Variants in ADCK1 observed in about 807,000 individuals in gnomAD.
ADCK1 encodes the protein aarF domain containing kinase 1, also known as aarF domain-containing protein kinase 1.
In ADCK1, 41 loss-of-function variants were observed where a neutral mutation model predicts 52.3. The ratio of observed to expected loss-of-function variants is 0.78; its 90% CI spans 0.61 to 1.02. The LOEUF is 1.02. Among genes scored for constraint, ADCK1 ranks in the 50% least tolerant of loss-of-function variants. ADCK1 has a pLI of 0.00. For synonymous variants in ADCK1, 250 were observed against 274.6 expected (o/e 0.91, Z 0.89); for missense variants, 658 against 679.5 (o/e 0.97, Z 0.35).
At chr14:77,824,415 CCTTTCTTTCTTT>C (rs1162665297) in intron 3 of ADCK1, among the ~76,000 whole-genome samples, 4 of 150,698 alleles carry the variant, frequency 2.7e-5, no homozygotes, top group East Asian at 1.9e-4. Flanking sequence ...AATGTCTTTT[CCTTTCTTTCTTT>C]CTTTCTTTCT....
At chr14:77,919,190 C>T (rs2083992591) in intron 7 of ADCK1, among the ~76,000 whole-genome samples, 1 of 152,236 alleles carries the variant, frequency 6.6e-6, no homozygotes, top group Non-Finnish European at 1.5e-5. Flanking sequence ...GCTGGGATTA[C>T]AGGCGTGAGC....
chr14:77,812,375 C>G (rs933846512), intron 1 of ADCK1, among the ~76,000 whole-genome samples: 2 of 151,596 alleles, frequency 1.3e-5, no homozygotes, highest in African/African-American at 4.9e-5. Flanking sequence ...AGAGTGAGAT[C>G]ATGCAGTATT....
rs780411409 is a variant in ADCK1, at chr14:77,924,618, C to T, written c.1008+12C>T. The T allele has an allele frequency of 3.1e-6, 5 of 1,611,732 alleles. No homozygotes were observed. The highest frequency in any genetic ancestry group is 3.4e-6 in the Non-Finnish European group (4 of 1,179,994). On this transcript the variant is annotated intron_variant, in intron 8 of 10. Coordinates refer to ENST00000238561, the MANE Select transcript of ADCK1 (RefSeq NM_020421.4). ...ATGGGCTTTACCAGGTAGAAGAGGCCTTTGTTACCCAGCCCTGGGGCCTCT... is the reference window on the plus strand; with the variant it reads ...ATGGGCTTTACCAGGTAGAAGAGGCTTTTGTTACCCAGCCCTGGGGCCTCT...
chr14:77,915,600 G>C (rs559356578), intron 7 of ADCK1, among the ~76,000 whole-genome samples: 3 of 152,126 alleles, frequency 2.0e-5, no homozygotes, highest in African/African-American at 7.2e-5. Context: ...ATGAGTTCAC[G>C]TCCTTTGTAG....
chr14:77,893,736 C>CCTTCCTTCCTTCCTTT (rs10634042), intron 5 of ADCK1, among the ~76,000 whole-genome samples: 3,571 of 133,186 alleles, frequency 0.027, 79 homozygotes, highest in African/African-American at 0.047. Context: ...TTCCTTCCTT[C>CCTTCCTTCCTTCCTTT]CTTTTTTTTT....
At chr14:77,861,707 G>T (rs1329357349) in intron 4 of ADCK1, among the ~76,000 whole-genome samples, 1 of 152,202 alleles carries the variant, frequency 6.6e-6, no homozygotes, top group African/African-American at 2.4e-5. Context: ...TGTAGAGAGC[G>T]GTGGTGTGGT....
intron 4 of ADCK1, among the ~76,000 whole-genome samples, chr14:77,862,608 T>G (rs941896714): frequency 1.3e-5 from 2 of 152,202 alleles, no homozygotes; most frequent in Non-Finnish European, 2.9e-5. Flanking sequence ...CTTGACTCCA[T>G]GTTGGAGGAC....
At chr14:77,916,321 A>G (rs1479855020) in intron 7 of ADCK1, among the ~76,000 whole-genome samples, 4 of 151,910 alleles carry the variant, frequency 2.6e-5, no homozygotes, top group Admixed American at 1.3e-4. Flanking sequence ...AGACTCATTA[A>G]ATACCCCATG....
intron 7 of ADCK1, among the ~76,000 whole-genome samples, chr14:77,913,862 C>T (rs78523319): frequency 0.017 from 2,649 of 152,056 alleles, 83 homozygotes; most frequent in African/African-American, 0.06. Context: ...ATCCAGGAGG[C>T]GAGAGTGCCA....
chr14:77,921,326 C>CAAAA (rs756056466), intron 7 of ADCK1, among the ~76,000 whole-genome samples: 26 of 41,206 alleles, frequency 6.3e-4, no homozygotes, highest in East Asian at 3.8e-3. Flanking sequence ...GACTCTGTCT[C>CAAAA]AAAAAAAAAA....
At chr14:77,830,881 GTGTT>G (rs1555348992) in intron 3 of ADCK1, among the ~76,000 whole-genome samples, 2 of 152,140 alleles carry the variant, frequency 1.3e-5, no homozygotes, top group South Asian at 4.1e-4. Context: ...TCAGTAGTAT[GTGTT>G]TGTTTGGTTA....
intron 9 of ADCK1, 66 bp downstream of exon 9, chr14:77,926,027 G>A: frequency 6.3e-7 from 1 of 1,587,274 alleles, no homozygotes; most frequent in Non-Finnish European, 8.6e-7. Flanking sequence ...GTGGCCTGTG[G>A]ACCCCTTCCA....
intron 3 of ADCK1, among the ~76,000 whole-genome samples, chr14:77,825,436 T>A (rs1409851281): frequency 6.6e-6 from 1 of 152,160 alleles, no homozygotes; most frequent in Non-Finnish European, 1.5e-5. Flanking sequence ...TGCCACTTAC[T>A]CAGGATTATG....
chr14:77,839,208 A>T lies in ADCK1; in HGVS notation c.219+16690A>T, dbSNP rs185833388. Among the ~76,000 whole-genome samples the T allele has an allele frequency of 2.6e-5, 4 of 152,306 alleles. No individual in the cohort carries two copies. In the East Asian group the frequency reaches 7.7e-4, roughly 29 times the overall value. On this transcript the variant is annotated intron_variant, in intron 3 of 10. Transcript: ENST00000238561. ...GATGTTTTTCAGCTGAAACTGAAGA[A>T]TGATCAAAGGACTAGCAAGTGAAGG...
At chr14:77,882,463 C>T (rs1313195892) in intron 4 of ADCK1, among the ~76,000 whole-genome samples, 1 of 152,234 alleles carries the variant, frequency 6.6e-6, no homozygotes, top group Non-Finnish European at 1.5e-5. Context: ...ATTATTGATA[C>T]GGTGATGTAG....
chr14:77,916,672 A>G (rs1466166688), intron 7 of ADCK1, among the ~76,000 whole-genome samples: 1 of 151,912 alleles, frequency 6.6e-6, no homozygotes, highest in African/African-American at 2.4e-5. Flanking sequence ...CTGGTCTCAA[A>G]CTCCTGGGCT....
intron 4 of ADCK1, among the ~76,000 whole-genome samples, chr14:77,867,700 C>T (rs774995046): frequency 7.2e-5 from 11 of 152,222 alleles, no homozygotes; most frequent in Non-Finnish European, 1.2e-4. Flanking sequence ...CGACCTTCTC[C>T]CTGTGACCAC....
chr14:77,933,495 C>T lies in ADCK1; in HGVS notation c.*104C>T. 2 of 1,385,920 alleles carry T rather than the reference C, an allele frequency of 1.4e-6. No individual in the cohort carries two copies. The highest frequency in any genetic ancestry group is 1.3e-5 in the South Asian group (1 of 79,432). The allele number at this position is 1,385,920 out of a possible 1,614,324, so 85.9% of individuals were successfully genotyped here. Reference sequence around the variant, plus strand: ...TTTTTGCCACATCGTGGCCCGCAGCCCCAGAGTCACTGTCCATGTCACCAT... The same window carrying T: ...TTTTTGCCACATCGTGGCCCGCAGCTCCAGAGTCACTGTCCATGTCACCAT... On this transcript the variant is annotated 3_prime_UTR_variant, in exon 11 of 11. Transcript: ENST00000238561.
intron 3 of ADCK1, among the ~76,000 whole-genome samples, chr14:77,825,143 A>G (rs1229411606): frequency 6.6e-6 from 1 of 152,142 alleles, no homozygotes; most frequent in Admixed American, 6.5e-5. Flanking sequence ...GCCACAGACG[A>G]TAGTTGGTTA....
Sources: allele counts gnomAD v4.1 joint callset (sites outside exome capture counted in the v4.1 genomes callset), GRCh38; gene constraint gnomAD v4.1.1; transcripts MANE v1.5; gene names NCBI Gene and HGNC (gene_info 2026-07-23, HGNC 2026-07-21).